The following EIF1 variants were observed in gnomAD, a reference collection of about 807,000 sequenced individuals.
The protein encoded by EIF1 is protein translation factor SUI1 homolog.
Under a neutral mutation model 13.7 loss-of-function variants are expected in EIF1, and 4 were observed. The observed-to-expected ratio is 0.29, with a 90% CI of 0.14 to 0.67. The LOEUF is 0.67. Ranked by LOEUF, EIF1 falls within the 30% of genes least tolerant of loss-of-function variation. The pLI is 0.77. For missense variants in EIF1, 64 were observed against 138.0 expected (o/e 0.46, Z 2.69); for synonymous variants, 67 against 50.7 (o/e 1.32, Z -1.37).
At chr17:41,690,533 C>T in intron 3 of EIF1, 1 of 565,562 alleles carries the variant, frequency 1.8e-6, no homozygotes, top group Non-Finnish European at 3.1e-6. Context: ...GTTACATGAT[C>T]AGCTCTTGAT....
intron 3 of EIF1, 104 bp from the exon 4 acceptor site, chr17:41,690,678 T>C: frequency 7.6e-7 from 1 of 1,310,230 alleles, no homozygotes; most frequent in Non-Finnish European, 1.1e-6. Context: ...CACCCCTGGC[T>C]CTTGGGCAGT....
intron 1 of EIF1, chr17:41,689,355 C>T: frequency 1.1e-5 from 6 of 562,836 alleles, no homozygotes; most frequent in South Asian, 2.2e-5. Flanking sequence ...CCCCTCCCGT[C>T]ACCATTGCGT....
intron 1 of EIF1, 22 bp downstream of exon 1, chr17:41,689,091 G>A (rs1402467264): frequency 1.2e-6 from 2 of 1,613,278 alleles, no homozygotes; most frequent in Admixed American, 1.7e-5. Context: ...GAAAGGTCGC[G>A]GGCCCGGGTG....
rs1910385746 is a variant in EIF1 at position 41,691,701 on chromosome 17, A to AGAAATGGGC, written c.*876_*884dup. The AGAAATGGGC allele has an allele frequency of 6.5e-6, 1 of 152,812 alleles. No homozygotes were observed. Among genetic ancestry groups the AGAAATGGGC allele is most frequent in the African/African-American group, 2.4e-5 (1 of 41,588 alleles). The allele number at this position is 152,812 out of a possible 1,614,324, so 9.5% of individuals were successfully genotyped here. ...GATCTTGTGCATATAAAGGAACCAT[A>AGAAATGGGC]GAAATGGGCAGTGGAGGATTCGTCC... On this transcript the variant is annotated 3_prime_UTR_variant, in exon 4 of 4. Coordinates refer to ENST00000469257, the MANE Select transcript of EIF1 (RefSeq NM_005801.4).
chr17:41,689,461 C>CT (rs1388790424), intron 1 of EIF1: 1 of 462,628 alleles, frequency 2.2e-6, no homozygotes, highest in East Asian at 3.8e-5. Context: ...GGGTGGGAGG[C>CT]TTAGCCCCGC....
Position 41,688,983 on chromosome 17 carries a change from A to ACCG in EIF1, c.-44_-42dup, listed in dbSNP as rs534901680. On this transcript the variant is annotated 5_prime_UTR_variant, in exon 1 of 4. Transcript: ENST00000469257. ...TCCCCCCTGCCCGCCTTCTCCCGCC[A>ACCG]CCGCCGCCGCCGCCTTCCGCAGGCC... 6.0e-5 allele frequency: 95 copies of ACCG among 1,580,896 alleles called. No homozygotes were observed. Among genetic ancestry groups the ACCG allele is most frequent in the African/African-American group, 3.7e-4 (23 of 62,018 alleles).
At chr17:41,689,152 C>A in intron 1 of EIF1, 83 bp downstream of exon 1, 2 of 1,476,492 alleles carry the variant, frequency 1.4e-6, no homozygotes, top group Non-Finnish European at 1.9e-6. Flanking sequence ...AGTTGCCAAG[C>A]GCTCCGGGCC....
chr17:41,689,766 C>T lies in EIF1; in HGVS notation c.32-12C>T, dbSNP rs568011646. On this transcript the variant is annotated splice_polypyrimidine_tract_variant and intron_variant, in intron 1 of 3. Transcript: ENST00000469257. Reference sequence around the variant, plus strand: ...TTTGACAGCTCTGAACGAGCTTAACCTTTTTTTTCAGACCCCTTTGCTGAT... The same window carrying T: ...TTTGACAGCTCTGAACGAGCTTAACTTTTTTTTTCAGACCCCTTTGCTGAT... The T allele has an allele frequency of 2.5e-6, 4 of 1,584,258 alleles. No homozygotes were observed. The highest frequency in any genetic ancestry group is 2.7e-5 in the African/African-American group (2 of 73,772).
chr17:41,689,665 G>A (rs1910314288), intron 1 of EIF1, 113 bp from the exon 2 acceptor site: 2 of 1,130,712 alleles, frequency 1.8e-6, no homozygotes, highest in East Asian at 2.5e-5. Context: ...CCTGGCCCAA[G>A]CCCTGACGAT....
Position 41,690,937 on chromosome 17 carries a change from T to C in EIF1, c.*111T>C. 1 of 1,248,354 alleles carries C rather than the reference T, an allele frequency of 8.0e-7. No individual in the cohort carries two copies. Among genetic ancestry groups the C allele is most frequent in the Non-Finnish European group, 1.2e-6 (1 of 860,040 alleles). 77.3% of individuals were successfully genotyped at this position (1,248,354 alleles called of 1,614,324 possible). On this transcript the variant is annotated 3_prime_UTR_variant, in exon 4 of 4. Transcript: ENST00000469257. Reference sequence around the variant, plus strand: ...CCTCACAGCTTGTATAATGTAACCATTTGGGGTCCGCTTTTAACTTGGACT... The same window carrying C: ...CCTCACAGCTTGTATAATGTAACCACTTGGGGTCCGCTTTTAACTTGGACT...
At position 41,688,940 on chromosome 17, in the gene EIF1, C is replaced by T. The variant is rs1013921706; in HGVS notation, c.-99C>T. 1.5e-6 allele frequency: 2 copies of T among 1,293,408 alleles called. No homozygotes were observed. Among genetic ancestry groups the T allele is most frequent in the African/African-American group, 1.5e-5 (1 of 68,928 alleles). The allele number at this position is 1,293,408 out of a possible 1,614,324, so 80.1% of individuals were successfully genotyped here. On this transcript the variant is annotated 5_prime_UTR_variant, in exon 1 of 4. Coordinates refer to ENST00000469257, the MANE Select transcript of EIF1 (RefSeq NM_005801.4). The stretch of plus-strand genomic sequence containing the variant: ...CAGCAGCCTCCCCCTTGAGCCCCCT[C>T]GCTTCCCGACGTTCCGTTCCCCCCT...
At position 41,692,385 on chromosome 17, in the gene EIF1, A is replaced by C. The variant is rs568592395; in HGVS notation, c.*1559A>C. On this transcript the variant is annotated 3_prime_UTR_variant, in exon 4 of 4. Transcript: ENST00000469257. ...GTTAAGTGTTGGGAGGCCATCCCTT[A>C]TGAAGGACAATGAATGGCAAGTAAA... The C allele has an allele frequency of 6.6e-6, 1 of 152,344 alleles. No homozygotes were observed. Among genetic ancestry groups the C allele is most frequent in the South Asian group, 2.1e-4 (1 of 4,832 alleles). 9.4% of individuals were successfully genotyped at this position (152,344 alleles called of 1,614,324 possible).
chr17:41,688,969 C>G lies in EIF1; in HGVS notation c.-70C>G. The G allele has an allele frequency of 1.3e-6, 2 of 1,546,694 alleles. No individual in the cohort carries two copies. Among genetic ancestry groups the G allele is most frequent in the Non-Finnish European group, 1.8e-6 (2 of 1,124,114 alleles). On this transcript the variant is annotated 5_prime_UTR_variant, in exon 1 of 4. Transcript: ENST00000469257. ...TCCCGACGTTCCGTTCCCCCCTGCC[C>G]GCCTTCTCCCGCCACCGCCGCCGCC...
rs1402678479 is a variant in EIF1 at position 41,688,977 on chromosome 17, CCCGCCA to C, written c.-56_-51del. 6 of 1,588,884 alleles carry C rather than the reference CCCGCCA, an allele frequency of 3.8e-6. No homozygotes were observed. In the East Asian group the frequency reaches 1.1e-4, roughly 30 times the overall value. On this transcript the variant is annotated 5_prime_UTR_variant, in exon 1 of 4. Transcript: ENST00000469257. ...TTCCGTTCCCCCCTGCCCGCCTTCT[CCCGCCA>C]CCGCCGCCGCCGCCTTCCGCAGGCC... is the stretch of plus-strand genomic sequence containing the variant.
rs1910350911 is a variant in EIF1, at chr17:41,690,726, G to T, written c.298-56G>T. On this transcript the variant is annotated intron_variant, in intron 3 of 3. Transcript: ENST00000469257. ...AGACAGGGTTGTTGCCATTAGAAATGGAGGCTTTAACTCTCCCTGTCCCCC... is the reference window on the plus strand; with the variant it reads ...AGACAGGGTTGTTGCCATTAGAAATTGAGGCTTTAACTCTCCCTGTCCCCC... 11 of 1,594,374 alleles carry T rather than the reference G, an allele frequency of 6.9e-6. No homozygotes were observed. The Admixed American group carries it at 1.5e-4, about 22-fold the overall frequency.
At chr17:41,690,343 G>GA (rs1910334795) in intron 3 of EIF1, 154 bp downstream of exon 3, 3 of 610,264 alleles carry the variant, frequency 4.9e-6, no homozygotes, top group Non-Finnish European at 5.7e-6. Context: ...TGTTTTATAG[G>GA]AAAAAGCAGA....
rs1254353401 is a variant in EIF1 at position 41,692,190 on chromosome 17, CAGT to C, written c.*1369_*1371del. On this transcript the variant is annotated 3_prime_UTR_variant, in exon 4 of 4. Transcript: ENST00000469257. ...TTGCTTGGAAATCTTGGCGCCCCCT[CAGT>C]AGTAACAGCCTTGGTTTAAGGGCGC... 6.6e-6 allele frequency: 1 copy of C among 152,248 alleles called. No individual in the cohort carries two copies. Among genetic ancestry groups the C allele is most frequent in the African/African-American group, 2.4e-5 (1 of 41,448 alleles). 9.4% of individuals were successfully genotyped at this position (152,248 alleles called of 1,614,324 possible). A position where few individuals can be genotyped will look rare whatever the true frequency, so the allele number is the denominator to read the frequency against.
At chr17:41,689,148 C>A in intron 1 of EIF1, 79 bp downstream of exon 1, 1 of 1,523,712 alleles carries the variant, frequency 6.6e-7, no homozygotes, top group Non-Finnish European at 9.1e-7. Flanking sequence ...GGGAAGTTGC[C>A]AAGCGCTCCG....
In EIF1 at chr17:41,688,933, G is replaced by GC. The variant is rs1910277926; in HGVS notation, c.-101dup. 5.9e-6 allele frequency: 7 copies of GC among 1,180,736 alleles called. No homozygotes were observed. In the South Asian group the frequency reaches 6.4e-5, roughly 11 times the overall value. The allele number at this position is 1,180,736 out of a possible 1,614,324, so 73.1% of individuals were successfully genotyped here. A position where few individuals can be genotyped will look rare whatever the true frequency, so the allele number is the denominator to read the frequency against. ...GAGGATTCAGCAGCCTCCCCCTTGA[G>GC]CCCCCTCGCTTCCCGACGTTCCGTT... On this transcript the variant is annotated 5_prime_UTR_variant, in exon 1 of 4. Transcript: ENST00000469257.
Sources: allele counts gnomAD v4.1 joint callset, GRCh38; gene constraint gnomAD v4.1.1; transcripts MANE v1.5; gene names NCBI Gene and HGNC (gene_info 2026-07-23, HGNC 2026-07-21).